The following FRYL variants were observed in gnomAD, a reference collection of about 807,000 sequenced individuals.
FRYL encodes FRY like transcription coactivator.
Under a neutral mutation model 351.2 loss-of-function variants are expected in FRYL, and 150 were observed. The ratio of observed to expected loss-of-function variants is 0.43; its 90% confidence interval spans 0.37 to 0.49. The LOEUF is 0.49. Ranked by LOEUF, FRYL falls within the 20% of genes least tolerant of loss-of-function variation. The probability of loss-of-function intolerance (pLI) is 0.00; values close to 1 mark genes in which losing one functional copy is unlikely to be tolerated. For missense variants in FRYL, 3,036 were observed against 3,619.3 expected (o/e 0.84, Z 4.13); for synonymous variants, 1,153 against 1,257.1 (o/e 0.92, Z 1.75).
chr4:48,606,394 C>T, intron 10 of FRYL, 44 bp downstream of exon 10: 1 of 1,324,038 alleles, frequency 7.6e-7, no homozygotes, highest in Non-Finnish European at 1.1e-6. Flanking sequence ...AGAGCAAGGA[C>T]TGTTAGGCTT....
intron 53 of FRYL, among the ~76,000 whole-genome samples, chr4:48,524,953 T>C (rs1325156623): frequency 1.3e-5 from 2 of 151,970 alleles, no homozygotes; most frequent in African/African-American, 2.4e-5. Flanking sequence ...CAGGTCTCTT[T>C]AACCTATTCC....
chr4:48,647,799 T>C (rs1322863511), intron 3 of FRYL, among the ~76,000 whole-genome samples: 1 of 152,198 alleles, frequency 6.6e-6, no homozygotes. Context: ...TTGGCTTTCT[T>C]AGGATCCACT....
chr4:48,617,208 AC>A (rs1267891971), intron 7 of FRYL, among the ~76,000 whole-genome samples: 1 of 152,178 alleles, frequency 6.6e-6, no homozygotes, highest in Non-Finnish European at 1.5e-5. Flanking sequence ...TAATATGGTG[AC>A]AGATCCAAAG....
intron 19 of FRYL, among the ~76,000 whole-genome samples, 200 bp from the exon 20 acceptor site, chr4:48,582,934 T>C (rs1173615572): frequency 6.6e-6 from 1 of 152,218 alleles, no homozygotes; most frequent in East Asian, 1.9e-4. Context: ...AATTCACATA[T>C]GAATCTATTC....
chr4:48,608,113 A>G (rs1747254466), intron 9 of FRYL, among the ~76,000 whole-genome samples: 1 of 152,194 alleles, frequency 6.6e-6, no homozygotes, highest in African/African-American at 2.4e-5. Context: ...ATCTATATCT[A>G]AATCATTTAA....
rs1731636014 is a variant in FRYL, at chr4:48,547,580, A to C, written c.5074+4T>G. The C allele has an allele frequency of 6.6e-7, 1 of 1,511,144 alleles. No individual in the cohort carries two copies. Among genetic ancestry groups the C allele is most frequent in the African/African-American group, 1.4e-5 (1 of 72,932 alleles). 93.6% of individuals were successfully genotyped at this position (1,511,144 alleles called of 1,614,324 possible). On this transcript the variant is annotated splice_donor_region_variant and intron_variant, in intron 41 of 63. Coordinates refer to ENST00000358350, the MANE Select transcript of FRYL (RefSeq NM_015030.2). ...CTTTCAAATTGTACATTTAAAGCAAATACCTGTGAAATTATAATCTAAGTG... is the reference window on the plus strand; with the variant it reads ...CTTTCAAATTGTACATTTAAAGCAACTACCTGTGAAATTATAATCTAAGTG...
In FRYL at chr4:48,717,832, C is replaced by T. The variant is rs541515793; in HGVS notation, c.-383-7134G>A. Among the ~76,000 whole-genome samples, 58 of 151,608 alleles carry T rather than the reference C, an allele frequency of 3.8e-4. 1 individual carries two copies. Among genetic ancestry groups the T allele is most frequent in the African/African-American group, 1.3e-3 (54 of 41,420 alleles). On this transcript the variant is annotated intron_variant, in intron 1 of 63. Transcript: ENST00000358350. The stretch of plus-strand genomic sequence containing the variant: ...CTGGGATTTCAGGCATGAGCTATCA[C>T]GCATGGCCTTAAGTTGTACATTTTC...
intron 2 of FRYL, among the ~76,000 whole-genome samples, chr4:48,687,500 G>A (rs1373467218): frequency 3.1e-5 from 4 of 129,208 alleles, no homozygotes; most frequent in Non-Finnish European, 6.6e-5. Flanking sequence ...GTCGGGGGGG[G>A]GGGGGGTGAG....
intron 3 of FRYL, among the ~76,000 whole-genome samples, chr4:48,671,879 A>AC (rs1762808284): frequency 2.7e-5 from 4 of 146,646 alleles, no homozygotes; most frequent in Non-Finnish European, 6.0e-5. Flanking sequence ...AAAACAAAAA[A>AC]AAAAAAAAAA....
At chr4:48,578,362 C>T (rs530510492) in intron 23 of FRYL, among the ~76,000 whole-genome samples, 1 of 152,228 alleles carries the variant, frequency 6.6e-6, no homozygotes, top group Admixed American at 6.5e-5. Flanking sequence ...GTGGTGTACT[C>T]TGTAAGGAGA....
chr4:48,647,317 G>A (rs1369787547), intron 3 of FRYL, among the ~76,000 whole-genome samples: 1 of 152,094 alleles, frequency 6.6e-6, no homozygotes, highest in Non-Finnish European at 1.5e-5. Context: ...ACTACAGCAG[G>A]TACAGAGAAA....
chr4:48,663,611 T>A (rs1015652391), intron 3 of FRYL, among the ~76,000 whole-genome samples: 3 of 150,538 alleles, frequency 2.0e-5, no homozygotes, highest in Non-Finnish European at 4.4e-5. Flanking sequence ...CCGTCTCTAC[T>A]AAAAATACAA....
intron 1 of FRYL, among the ~76,000 whole-genome samples, chr4:48,744,301 G>A (rs1772431154): frequency 6.6e-6 from 1 of 152,090 alleles, no homozygotes; most frequent in Non-Finnish European, 1.5e-5. Flanking sequence ...TATGGTATAT[G>A]AATTACAGCT....
chr4:48,574,655 C>T (rs886467206), intron 25 of FRYL: 1 of 152,064 alleles, frequency 6.6e-6, no homozygotes, highest in Non-Finnish European at 1.5e-5. Context: ...TCAGGCAAAA[C>T]TGAAGAATTT....
In FRYL at chr4:48,539,973, T is replaced by G; in HGVS notation, c.6391A>C (p.Lys2131Gln). Residue 2131 changes from lysine to glutamine, a missense_variant and splice_region_variant, in exon 47 of 64, where the codon AAG becomes CAG. Lys to Gln is a moderately conservative substitution (Grantham distance 53). Coordinates refer to ENST00000358350, the MANE Select transcript of FRYL (RefSeq NM_015030.2). ...CTTTCAGCATAACATTTGCTTACCT[T>G]TGCTATTCGACTAGCTGTTTCTTTG... ...FCKETASRIA[K>Q]VCAEEKCPTL... 6.2e-7 allele frequency: 1 copy of G among 1,606,690 alleles called. No individual in the cohort carries two copies. The highest frequency in any genetic ancestry group is 8.5e-7 in the Non-Finnish European group (1 of 1,173,750).
chr4:48,581,016 G>T (rs878980594), intron 21 of FRYL, 65 bp from the exon 22 acceptor site: 2 of 883,492 alleles, frequency 2.3e-6, no homozygotes, highest in East Asian at 2.6e-5. Context: ...CCAAACCCAA[G>T]TAAACACTAA....
intron 1 of FRYL, chr4:48,727,553 G>C (rs1430410589): frequency 1.3e-5 from 2 of 152,130 alleles, no homozygotes; most frequent in South Asian, 2.1e-4. Flanking sequence ...AAACTCCAGG[G>C]AACCCAGTCA....
chr4:48,680,039 T>A (rs1764372908), intron 3 of FRYL, among the ~76,000 whole-genome samples: 1 of 152,058 alleles, frequency 6.6e-6, no homozygotes, highest in Admixed American at 6.5e-5. Context: ...ATGTACTAAA[T>A]GAAAAAGCAA....
intron 36 of FRYL, 84 bp downstream of exon 36, chr4:48,553,131 A>G (rs1374826822): frequency 1.0e-6 from 1 of 998,502 alleles, no homozygotes; most frequent in Non-Finnish European, 1.5e-6. Flanking sequence ...TATGGGACAT[A>G]GAGACCCTAA....
Sources: gnomAD v4.1 joint callset for allele counts (sites outside exome capture counted in the v4.1 genomes callset) on GRCh38, gnomAD v4.1.1 for gene constraint, MANE v1.5 for transcripts, NCBI Gene and HGNC (gene_info 2026-07-23, HGNC 2026-07-21) for gene names.